Variants in EFCAB6 observed in about 807,000 individuals in gnomAD.
EFCAB6 encodes EF-hand calcium-binding domain-containing protein 6.
A neutral mutation model predicts 169.8 loss-of-function variants in EFCAB6; 156 were observed. The observed-to-expected ratio is 0.92, with a 90% CI of 0.81 to 1.05. The LOEUF (loss-of-function observed/expected upper bound fraction) is 1.05, where lower values mean the gene tolerates loss of function less well. Among genes scored for constraint, EFCAB6 ranks in the 50% least tolerant of loss-of-function variants. The pLI, the probability that EFCAB6 is intolerant of heterozygous loss-of-function variation, is 0.00. For synonymous variants in EFCAB6, 698 were observed against 676.4 expected (o/e 1.03, Z -0.50); for missense variants, 1,800 against 1,829.1 (o/e 0.98, Z 0.29).
In EFCAB6 at chr22:43,685,895, T is replaced by C. The variant is rs5764213; in HGVS notation, c.1142+1576A>G. 6.1e-3 allele frequency among the ~76,000 whole-genome samples: 931 copies of C among 152,354 alleles called. 22 individuals carry two copies. In the East Asian group the frequency reaches 0.079, roughly 13 times the overall value. On this transcript the variant is annotated intron_variant, in intron 11 of 31. Transcript: ENST00000262726. ...ATATGTGTCATTTTTGCCTATTTTT[T>C]GTGTAAAGTGGCCTCTGAAGTGTTC... is the stretch of plus-strand genomic sequence containing the variant.
chr22:43,764,077 G>C (rs936629666), intron 5 of EFCAB6, among the ~76,000 whole-genome samples: 2 of 150,344 alleles, frequency 1.3e-5, no homozygotes, highest in African/African-American at 2.4e-5. Context: ...TTTTATTTTA[G>C]ATTAAGGAGT....
At position 43,600,187 on chromosome 22, in the gene EFCAB6, C is replaced by T. The variant is rs1450766962; in HGVS notation, c.2758G>A (p.Val920Ile). ...TAATCCTCTGCACAGGGCCGATGGA[C>T]AGCAGGCGAATAGTTAATACCCAAT... ...QKLGINYSPAVHRPCAEDYFN... is the reference protein window; with the variant it reads ...QKLGINYSPAIHRPCAEDYFN... The change falls in exon 23 of 32, where the codon GTC becomes ATC. Residue 920 changes from valine to isoleucine, a missense_variant. By Grantham distance (29) the Val-to-Ile change is conservative (BLOSUM62 3). Transcript: ENST00000262726. 1.2e-6 allele frequency: 2 copies of T among 1,614,050 alleles called. No individual in the cohort carries two copies. Among genetic ancestry groups the T allele is most frequent in the Admixed American group, 1.7e-5 (1 of 59,998 alleles).
chr22:43,633,852 T>A (rs370080062), intron 18 of EFCAB6, among the ~76,000 whole-genome samples: 97 of 152,332 alleles, frequency 6.4e-4, no homozygotes, highest in Middle Eastern at 3.4e-3. Context: ...GGTTCCTTAC[T>A]GCCTGGCAGA....
chr22:43,713,631 T>C (rs571750085), intron 9 of EFCAB6, among the ~76,000 whole-genome samples: 1 of 152,324 alleles, frequency 6.6e-6, no homozygotes, highest in South Asian at 2.1e-4. Context: ...CTCCTAGGTG[T>C]AATTTCCGGA....
chr22:43,666,021 C>T lies in EFCAB6; in HGVS notation c.1983+1083G>A, dbSNP rs141645339. On this transcript the variant is annotated intron_variant, in intron 17 of 31. Transcript: ENST00000262726. ...TAGGCTGGTCTTGAACTCCTGACCT[C>T]ACGTGATCCACCTGCCTTGGCCTCC... Among the ~76,000 whole-genome samples the T allele has an allele frequency of 8.8e-3, 1,337 of 152,308 alleles. 19 individuals carry two copies. Among genetic ancestry groups the T allele is most frequent in the African/African-American group, 0.031 (1,292 of 41,558 alleles).
chr22:43,550,906 T>TGCAAGTTGCTCTCC (rs2048344563), intron 27 of EFCAB6, among the ~76,000 whole-genome samples: 1 of 152,150 alleles, frequency 6.6e-6, no homozygotes, highest in South Asian at 2.1e-4. Flanking sequence ...TCATGCACTC[T>TGCAAGTTGCTCTCC]GCAAGTTGCT....
intron 8 of EFCAB6, among the ~76,000 whole-genome samples, chr22:43,730,265 AGCGAGGG>A: frequency 4.3e-5 from 1 of 23,270 alleles, no homozygotes. Flanking sequence ...GAGGAAAGGG[AGCGAGGG>A]AGGGAGGGAT....
rs542559558 is a variant in EFCAB6 at position 43,594,292 on chromosome 22, A to C, written c.2877-4063T>G. On this transcript the variant is annotated intron_variant, in intron 23 of 31. Coordinates refer to ENST00000262726, the MANE Select transcript of EFCAB6 (RefSeq NM_022785.4). ...CTCTGTTTCAAAAAAAAAAAAAAAA[A>C]AAAAAAGAAAAGACATGAGTAACTA... is the stretch of plus-strand genomic sequence containing the variant. Among the ~76,000 whole-genome samples the C allele has an allele frequency of 2.5e-4, 36 of 143,462 alleles. No homozygotes were observed. In the East Asian group the frequency reaches 9.3e-3, roughly 37 times the overall value. 94.1% of individuals were successfully genotyped at this position (143,462 alleles called of 152,430 possible). A position where few individuals can be genotyped will look rare whatever the true frequency, so the allele number is the denominator to read the frequency against.
At chr22:43,794,830 C>T (rs2062441544) in intron 2 of EFCAB6, among the ~76,000 whole-genome samples, 1 of 152,130 alleles carries the variant, frequency 6.6e-6, no homozygotes. Flanking sequence ...GTCTATTGTT[C>T]TAAACATAGG....
chr22:43,549,975 C>T (rs142242847), intron 27 of EFCAB6, among the ~76,000 whole-genome samples: 215 of 152,292 alleles, frequency 1.4e-3, no homozygotes, highest in African/African-American at 5.0e-3. Context: ...TCATGGTAAA[C>T]AGCTCTTAGC....
intron 24 of EFCAB6, among the ~76,000 whole-genome samples, chr22:43,587,411 T>C (rs1207657117): frequency 6.6e-6 from 1 of 152,236 alleles, no homozygotes. Flanking sequence ...CTCTTACAGT[T>C]CTGGACACCG....
intron 3 of EFCAB6, among the ~76,000 whole-genome samples, chr22:43,778,148 G>A (rs1036934837): frequency 3.3e-5 from 5 of 151,992 alleles, no homozygotes; most frequent in African/African-American, 1.2e-4. Flanking sequence ...GGCACAGTGG[G>A]TAAAAAGCAA....
intron 22 of EFCAB6, among the ~76,000 whole-genome samples, chr22:43,605,921 A>G (rs1230632012): frequency 6.6e-6 from 1 of 152,214 alleles, no homozygotes; most frequent in African/African-American, 2.4e-5. Flanking sequence ...TAATGAAGTG[A>G]AATAAAAATG....
chr22:43,708,990 TC>T (rs1240513792), intron 10 of EFCAB6, among the ~76,000 whole-genome samples: 5 of 152,256 alleles, frequency 3.3e-5, no homozygotes, highest in African/African-American at 1.2e-4. Context: ...CTGGCCACCC[TC>T]AACCCCCAAA....
rs756978843 is a variant in EFCAB6, at chr22:43,626,562, G to A, written c.2350C>T (p.Arg784Cys). ...CTCAAGCCAAGAAGGCCAAGGAAGC[G>A]CTCAAACTCGTCGTCTTTGAGATTA... ...LLNLKDDEFERFLGLLGLRLS... is the reference protein window; with the variant it reads ...LLNLKDDEFECFLGLLGLRLS... Residue 784 changes from arginine (R) to cysteine (C), a missense_variant, in exon 20 of 32, where the codon CGC (arginine) becomes TGC (cysteine). Physicochemically the swap from Arg to Cys is radical, Grantham distance 180 (BLOSUM62 -3). Transcript: ENST00000262726. 5 of 1,614,158 alleles carry A rather than the reference G, an allele frequency of 3.1e-6. No individual in the cohort carries two copies. Among genetic ancestry groups the A allele is most frequent in the East Asian group, 2.2e-5 (1 of 44,886 alleles).
Position 43,537,167 on chromosome 22 carries a change from G to C in EFCAB6, c.4048+210C>G, listed in dbSNP as rs2047431615. On this transcript the variant is annotated intron_variant, in intron 29 of 31. Coordinates refer to ENST00000262726, the MANE Select transcript of EFCAB6 (RefSeq NM_022785.4). The surrounding 1 kb of genome is among the most constrained non-coding windows in gnomAD (Gnocchi z 4.3). ...CAGCGCTGACTTTACCATGCAGATG[G>C]GCCCCCTGCTGGGAGGGCCGGGTAG... 1 of 531,452 alleles carries C rather than the reference G, an allele frequency of 1.9e-6. No homozygotes were observed. Among genetic ancestry groups the C allele is most frequent in the Non-Finnish European group, 3.3e-6 (1 of 305,246 alleles). The allele number at this position is 531,452 out of a possible 1,614,324, so 32.9% of individuals were successfully genotyped here.
At chr22:43,760,556 G>A (rs5764275) in intron 5 of EFCAB6, among the ~76,000 whole-genome samples, 12,602 of 152,176 alleles carry the variant, frequency 0.083, 661 homozygotes, top group South Asian at 0.2. Flanking sequence ...TACTGCTATG[G>A]GTTGAAGGTG....
At chr22:43,787,545 A>G (rs576264622) in intron 2 of EFCAB6, among the ~76,000 whole-genome samples, 1 of 152,340 alleles carries the variant, frequency 6.6e-6, no homozygotes. Context: ...TTAGAAATAA[A>G]TTAAACAAAA....
chr22:43,743,984 T>C (rs915207159), intron 6 of EFCAB6, among the ~76,000 whole-genome samples: 2 of 144,636 alleles, frequency 1.4e-5, no homozygotes, highest in Non-Finnish European at 3.0e-5. Context: ...GATGGATAGA[T>C]AGGTAAATGG....
Sources: allele counts gnomAD v4.1 joint callset (sites outside exome capture counted in the v4.1 genomes callset), GRCh38; gene constraint gnomAD v4.1.1; non-coding constraint Gnocchi (gnomAD v3.1); transcripts MANE v1.5; gene names NCBI Gene and HGNC (gene_info 2026-07-23, HGNC 2026-07-21).